The following IGSF11 variants were observed in gnomAD, a reference collection of about 807,000 sequenced individuals.
The protein encoded by IGSF11 is immunoglobulin superfamily member 11.
Under a neutral mutation model 41.0 loss-of-function variants are expected in IGSF11, and 22 were observed. The ratio of observed to expected loss-of-function variants is 0.54; its 90% confidence interval spans 0.38 to 0.77. The LOEUF is 0.77. Among genes scored for constraint, IGSF11 ranks in the 30% least tolerant of loss-of-function variants. The pLI is 0.00. For missense variants in IGSF11, 444 were observed against 530.8 expected (o/e 0.84, Z 1.61); for synonymous variants, 219 against 201.3 (o/e 1.09, Z -0.74).
chr3:119,070,996 C>A (rs148447805), intron 1 of IGSF11, among the ~76,000 whole-genome samples: 5 of 152,134 alleles, frequency 3.3e-5, no homozygotes, highest in Non-Finnish European at 7.4e-5. Context: ...AACAGAATAC[C>A]CATATGAGTA....
At chr3:118,992,232 G>C (rs1935857722) in intron 1 of IGSF11, among the ~76,000 whole-genome samples, 1 of 152,122 alleles carries the variant, frequency 6.6e-6, no homozygotes. Context: ...TAAGAAAGAT[G>C]ACTATTGTTA....
At chr3:119,013,392 A>G (rs903112691) in intron 1 of IGSF11, among the ~76,000 whole-genome samples, 3 of 152,252 alleles carry the variant, frequency 2.0e-5, no homozygotes, top group Non-Finnish European at 4.4e-5. Flanking sequence ...ATCTGCATAT[A>G]CAAACCTCCT....
chr3:119,007,124 G>C (rs1177926322), intron 1 of IGSF11, among the ~76,000 whole-genome samples: 3 of 139,552 alleles, frequency 2.1e-5, no homozygotes, highest in Non-Finnish European at 4.6e-5. Flanking sequence ...AGACTCCGTG[G>C]GCGTAGGACC....
rs1559862340 is a variant in IGSF11, at chr3:119,091,998, G to GGC, written c.49+13145_49+13146insGC. On this transcript the variant is annotated intron_variant, in intron 1 of 6. Transcript: ENST00000354673. ...TTTTTGGTTTTTGGTTTTTTTGGGG[G>GGC]GGGGGGGTTGGTGGTTTTTTCTTTT... Among the ~76,000 whole-genome samples, 21 of 144,166 alleles carry GGC rather than the reference G, an allele frequency of 1.5e-4. No homozygotes were observed. In the East Asian group the frequency reaches 4.0e-3, roughly 27 times the overall value. 94.6% of individuals were successfully genotyped at this position (144,166 alleles called of 152,430 possible). A position where few individuals can be genotyped will look rare whatever the true frequency, so the allele number is the denominator to read the frequency against.
intron 4 of IGSF11, among the ~76,000 whole-genome samples, chr3:118,918,363 C>T (rs1346755370): frequency 1.3e-5 from 1 of 75,308 alleles, no homozygotes; most frequent in African/African-American, 7.2e-5. Context: ...AAAACCCCAT[C>T]GTCTCAGCCC....
chr3:118,923,842 T>C (rs762469187), intron 4 of IGSF11, among the ~76,000 whole-genome samples: 1 of 152,214 alleles, frequency 6.6e-6, no homozygotes, highest in Non-Finnish European at 1.5e-5. Context: ...TCAGTACATA[T>C]ATTAGGAGGT....
Position 118,903,764 on chromosome 3 carries a change from T to G in IGSF11, c.855-803A>C, listed in dbSNP as rs552375097. Among the ~76,000 whole-genome samples, 25 of 152,306 alleles carry G rather than the reference T, an allele frequency of 1.6e-4. No individual in the cohort carries two copies. In the East Asian group the frequency reaches 4.8e-3, roughly 29 times the overall value. On this transcript the variant is annotated intron_variant, in intron 6 of 6. Coordinates refer to ENST00000393775, the MANE Select transcript of IGSF11 (RefSeq NM_001015887.3). Reference sequence around the variant, plus strand: ...AATCCTACACCTAAGAAACCTATAGTCAATGAGGGTAGTAATCAGTGCAAG... The same window carrying G: ...AATCCTACACCTAAGAAACCTATAGGCAATGAGGGTAGTAATCAGTGCAAG...
At chr3:119,091,994 G>T (rs949015436) in intron 1 of IGSF11, among the ~76,000 whole-genome samples, 1,755 of 24,324 alleles carry the variant, frequency 0.072, 47 homozygotes, top group African/African-American at 0.17. Flanking sequence ...TGGTTTTTTT[G>T]GGGGGGGGGG....
intron 1 of IGSF11, among the ~76,000 whole-genome samples, chr3:118,949,668 C>G (rs555766995): frequency 6.6e-6 from 1 of 152,298 alleles, no homozygotes; most frequent in African/African-American, 2.4e-5. Context: ...GGCATTGCTG[C>G]TGTTACCTTC....
At chr3:119,087,570 C>T (rs2076697448) in intron 1 of IGSF11, among the ~76,000 whole-genome samples, 1 of 151,874 alleles carries the variant, frequency 6.6e-6, no homozygotes. Flanking sequence ...GGGAGCTAAG[C>T]TATGAGGACG....
chr3:119,098,735 C>T (rs140626646), intron 1 of IGSF11, among the ~76,000 whole-genome samples: 1 of 152,286 alleles, frequency 6.6e-6, no homozygotes, highest in African/African-American at 2.4e-5. Flanking sequence ...TGCAATTTAG[C>T]ATTGGAAACT....
chr3:119,104,120 C>T (rs539510704), intron 1 of IGSF11, among the ~76,000 whole-genome samples: 2 of 152,088 alleles, frequency 1.3e-5, no homozygotes, highest in Non-Finnish European at 2.9e-5. Flanking sequence ...TCATCTTAGT[C>T]GCCCAATTTC....
rs1938753917 is a variant in IGSF11, at chr3:118,900,749, CT to C, written c.*1770del. The C allele has an allele frequency of 6.6e-6, 1 of 152,432 alleles. No homozygotes were observed. Among genetic ancestry groups the C allele is most frequent in the African/African-American group, 2.4e-5 (1 of 41,388 alleles). 9.4% of individuals were successfully genotyped at this position (152,432 alleles called of 1,614,324 possible). On this transcript the variant is annotated 3_prime_UTR_variant, in exon 7 of 7. Coordinates refer to ENST00000393775, the MANE Select transcript of IGSF11 (RefSeq NM_001015887.3). ...TCTTTTCAGTGTCATGGTATTTTCA[CT>C]TTTCTTTATAAAAAGTATAGACATT...
chr3:119,137,982 G>A (rs915584270), intron 1 of IGSF11, among the ~76,000 whole-genome samples: 35 of 152,070 alleles, frequency 2.3e-4, no homozygotes, highest in African/African-American at 8.2e-4. Context: ...GATCATCAGA[G>A]AAATGCAAAT....
At chr3:119,096,167 G>A (rs1197302576) in intron 1 of IGSF11, among the ~76,000 whole-genome samples, 1 of 152,084 alleles carries the variant, frequency 6.6e-6, no homozygotes, top group African/African-American at 2.4e-5. Flanking sequence ...CATGGTTACA[G>A]TGACTTGGCT....
At chr3:119,091,349 C>T (rs1414991498) in intron 1 of IGSF11, among the ~76,000 whole-genome samples, 2 of 152,212 alleles carry the variant, frequency 1.3e-5, no homozygotes, top group Admixed American at 6.5e-5. Flanking sequence ...AATCCTATTA[C>T]TGTGTATATA....
At chr3:118,903,636 A>C (rs1344155105) in intron 6 of IGSF11, among the ~76,000 whole-genome samples, 1 of 152,228 alleles carries the variant, frequency 6.6e-6, no homozygotes, top group Non-Finnish European at 1.5e-5. Flanking sequence ...CTTAAGAATT[A>C]CAACAGTCTA....
At chr3:118,920,646 A>G (rs1941684281) in intron 4 of IGSF11, among the ~76,000 whole-genome samples, 2 of 152,282 alleles carry the variant, frequency 1.3e-5, no homozygotes, top group South Asian at 4.1e-4. Flanking sequence ...AAAACGAAAT[A>G]TAACAAGCTT....
intron 1 of IGSF11, among the ~76,000 whole-genome samples, chr3:119,044,957 G>A (rs1011916735): frequency 6.6e-6 from 1 of 152,054 alleles, no homozygotes; most frequent in African/African-American, 2.4e-5. Context: ...CCGCCTTAAA[G>A]CACAAATCTC....
Sources: allele counts gnomAD v4.1 joint callset (sites outside exome capture counted in the v4.1 genomes callset), GRCh38; gene constraint gnomAD v4.1.1; transcripts MANE v1.5; gene names NCBI Gene and HGNC (gene_info 2026-07-23, HGNC 2026-07-21).